MRPL42: variants seen among roughly 807,000 people sequenced by gnomAD.
MRPL42 encodes large ribosomal subunit protein mL42.
In MRPL42, 17 loss-of-function variants were observed where a neutral mutation model predicts 17.9. That is an observed-to-expected ratio of 0.95 (90% CI 0.65 to 1.42). The LOEUF (loss-of-function observed/expected upper bound fraction) is 1.42, where lower values mean the gene tolerates loss of function less well. MRPL42 is among the 40% of genes most tolerant of loss of function. The pLI is 0.00. For synonymous variants in MRPL42, 59 were observed against 54.4 expected, an observed-to-expected ratio of 1.08 and a Z score of -0.37; for missense variants, 177 against 175.2, an observed-to-expected ratio of 1.01 and a Z score of -0.06.
intron 2 of MRPL42, among the ~76,000 whole-genome samples, chr12:93,471,278 C>T (rs572850464): frequency 2.0e-5 from 3 of 152,218 alleles, no homozygotes; most frequent in African/African-American, 7.2e-5. Context: ...ATTCTCCTGC[C>T]TCAGCCTCCC....
chr12:93,488,917 G>A (rs971458), intron 5 of MRPL42, among the ~76,000 whole-genome samples: 101,378 of 150,912 alleles, frequency 0.67, 34,246 homozygotes, highest in Middle Eastern at 0.72. Context: ...TCTTGAACTC[G>A]TGGGCTCAAG....
In MRPL42 at chr12:93,510,463, AGAG is replaced by A. The variant is rs1953715683; in HGVS notation, c.*9243_*9245del. 2 of 152,246 alleles carry A rather than the reference AGAG, an allele frequency of 1.3e-5. No homozygotes were observed. The highest frequency in any genetic ancestry group is 4.8e-5 in the African/African-American group (2 of 41,468). The allele number at this position is 152,246 out of a possible 1,614,324, so 9.4% of individuals were successfully genotyped here. A position where few individuals can be genotyped will look rare whatever the true frequency, so the allele number is the denominator to read the frequency against. On this transcript the variant is annotated 3_prime_UTR_variant, in exon 6 of 6. Coordinates refer to ENST00000549982, the MANE Select transcript of MRPL42 (RefSeq NM_014050.4). ...TTCAACTCCTTTGGGTAAATACCAA[AGAG>A]CACAATTGTTGGATTGAATGCTAAG...
At chr12:93,481,880 C>A (rs572158615) in intron 4 of MRPL42, among the ~76,000 whole-genome samples, 44 of 152,310 alleles carry the variant, frequency 2.9e-4, no homozygotes, top group African/African-American at 9.4e-4. Flanking sequence ...CCTCATGTAT[C>A]TCACACATTC....
rs911900146 is a variant in MRPL42, at chr12:93,508,361, A to G, written c.*7140A>G. The G allele has an allele frequency of 7.2e-5, 11 of 152,646 alleles. No homozygotes were observed. The highest frequency in any genetic ancestry group is 1.5e-4 in the Non-Finnish European group (10 of 68,432). The allele number at this position is 152,646 out of a possible 1,614,324, so 9.5% of individuals were successfully genotyped here. A position where few individuals can be genotyped will look rare whatever the true frequency, so the allele number is the denominator to read the frequency against. On this transcript the variant is annotated 3_prime_UTR_variant, in exon 6 of 6. Transcript: ENST00000549982. ...TGGGAGGATTGCTTGAGCCCATGAG[A>G]TTGAGGCTGTAGTGAGCCATGATTG...
chr12:93,474,814 G>C (rs1880081552), intron 2 of MRPL42, among the ~76,000 whole-genome samples: 1 of 152,114 alleles, frequency 6.6e-6, no homozygotes, highest in African/African-American at 2.4e-5. Context: ...AATATGGCCA[G>C]GTGCAGTGGC....
intron 4 of MRPL42, among the ~76,000 whole-genome samples, chr12:93,485,007 T>TCTATACACAC (rs1880661542): frequency 2.1e-5 from 1 of 47,754 alleles, no homozygotes; most frequent in African/African-American, 1.1e-4. Context: ...TATATATATA[T>TCTATACACAC]ATATATATAT....
rs1052715909 is a variant in MRPL42 at position 93,514,594 on chromosome 12, A to T, written c.*13373A>T. ...CCATTATTGGACAGTTTTAATGGAA[A>T]GTGTTTCCTTATATTGAGTGGAAAT... On this transcript the variant is annotated 3_prime_UTR_variant, in exon 6 of 6. Coordinates refer to ENST00000549982, the MANE Select transcript of MRPL42 (RefSeq NM_014050.4). 1 of 152,068 alleles carries T rather than the reference A, an allele frequency of 6.6e-6. No individual in the cohort carries two copies. Among genetic ancestry groups the T allele is most frequent in the Non-Finnish European group, 1.5e-5 (1 of 68,024 alleles). The allele number at this position is 152,068 out of a possible 1,614,324, so 9.4% of individuals were successfully genotyped here.
Position 93,495,187 on chromosome 12 carries a change from CT to C in MRPL42, c.384-5988del, listed in dbSNP as rs536721004. Reference sequence around the variant, plus strand: ...CTCACCCTTCAAATTGTCTGTGAGCCTAATTTTTTGTGGTTGTGTGTCTTTA... The same window carrying C: ...CTCACCCTTCAAATTGTCTGTGAGCCAATTTTTTGTGGTTGTGTGTCTTTA... On this transcript the variant is annotated intron_variant, in intron 5 of 5. Transcript: ENST00000549982. Among the ~76,000 whole-genome samples the C allele has an allele frequency of 8.3e-4, 127 of 152,192 alleles. 1 individual carries two copies. The highest frequency in any genetic ancestry group is 3.4e-3 in the Middle Eastern group (1 of 294).
At chr12:93,491,362 CTT>C (rs1480192264) in intron 5 of MRPL42, among the ~76,000 whole-genome samples, 3 of 152,102 alleles carry the variant, frequency 2.0e-5, no homozygotes, top group Non-Finnish European at 4.4e-5. Flanking sequence ...TTTTCATGTG[CTT>C]ATTGGCCATT....
chr12:93,486,328 G>A (rs756561515), intron 4 of MRPL42, among the ~76,000 whole-genome samples: 3 of 152,044 alleles, frequency 2.0e-5, no homozygotes, highest in African/African-American at 4.8e-5. Flanking sequence ...GCTTCCATTG[G>A]ATGTAAGAAA....
chr12:93,514,715 T>G lies in MRPL42; in HGVS notation c.*13494T>G, dbSNP rs1426806581. ...TATTTGAAAATATTTGTCATATTCC[T>G]TCTTATTTTTCTTTAAGCTTTATTT... On this transcript the variant is annotated 3_prime_UTR_variant, in exon 6 of 6. Coordinates refer to ENST00000549982, the MANE Select transcript of MRPL42 (RefSeq NM_014050.4). The G allele has an allele frequency of 6.6e-6, 1 of 152,236 alleles. No individual in the cohort carries two copies. The highest frequency in any genetic ancestry group is 1.5e-5 in the Non-Finnish European group (1 of 68,044). 9.4% of individuals were successfully genotyped at this position (152,236 alleles called of 1,614,324 possible). A position where few individuals can be genotyped will look rare whatever the true frequency, so the allele number is the denominator to read the frequency against.
intron 4 of MRPL42, among the ~76,000 whole-genome samples, chr12:93,484,410 G>A (rs181907208): frequency 2.2e-4 from 33 of 152,078 alleles, no homozygotes; most frequent in Middle Eastern, 3.4e-3. Flanking sequence ...ATAATTGTAT[G>A]TGCTATACTT....
chr12:93,483,636 G>A (rs1172395463), intron 4 of MRPL42, among the ~76,000 whole-genome samples: 1 of 152,168 alleles, frequency 6.6e-6, no homozygotes, highest in African/African-American at 2.4e-5. Context: ...CCCTGGGTGA[G>A]TCAGTGAGTG....
intron 2 of MRPL42, among the ~76,000 whole-genome samples, chr12:93,475,454 A>G (rs1324481729): frequency 1.3e-5 from 2 of 152,020 alleles, no homozygotes; most frequent in Non-Finnish European, 2.9e-5. Flanking sequence ...TTTGAACAAA[A>G]TGGGGCTGGA....
chr12:93,490,960 G>A (rs1016179890), intron 5 of MRPL42, among the ~76,000 whole-genome samples: 1 of 151,870 alleles, frequency 6.6e-6, no homozygotes, highest in Non-Finnish European at 1.5e-5. Context: ...GTGCCATCTC[G>A]GCTCACTGCA....
rs1953585512 is a variant in MRPL42 at position 93,501,067 on chromosome 12, A to T, written c.384-109A>T. The T allele has an allele frequency of 7.3e-6, 6 of 823,864 alleles. No individual in the cohort carries two copies. In the East Asian group the frequency reaches 2.0e-4, roughly 28 times the overall value. 51.0% of individuals were successfully genotyped at this position (823,864 alleles called of 1,614,324 possible). A position where few individuals can be genotyped will look rare whatever the true frequency, so the allele number is the denominator to read the frequency against. On this transcript the variant is annotated intron_variant, in intron 5 of 5. Transcript: ENST00000549982. ...AAATGGCTGATACGTAGTTTCATTG[A>T]TTTTTTAAAAAAATAGTTCCAATAG... is the stretch of plus-strand genomic sequence containing the variant.
intron 2 of MRPL42, among the ~76,000 whole-genome samples, chr12:93,472,443 G>A (rs976299277): frequency 2.6e-5 from 4 of 152,098 alleles, no homozygotes; most frequent in Middle Eastern, 3.2e-3. Context: ...GGGCGAGGTG[G>A]TACACGCCTG....
At chr12:93,477,471 T>C (rs1407723636) in intron 3 of MRPL42, among the ~76,000 whole-genome samples, 2 of 152,254 alleles carry the variant, frequency 1.3e-5, no homozygotes, top group South Asian at 2.1e-4. Context: ...GAATAACATA[T>C]GACATTGTCT....
chr12:93,473,027 G>A (rs1879982785), intron 2 of MRPL42, among the ~76,000 whole-genome samples: 1 of 152,160 alleles, frequency 6.6e-6, no homozygotes, highest in South Asian at 2.1e-4. Context: ...AAAATACTGA[G>A]CATTTGAAGA....
Sources: gnomAD v4.1 joint callset for allele counts (sites outside exome capture counted in the v4.1 genomes callset) on GRCh38, gnomAD v4.1.1 for gene constraint, MANE v1.5 for transcripts, NCBI Gene and HGNC (gene_info 2026-07-23, HGNC 2026-07-21) for gene names.